ABCA7: variants seen among roughly 807,000 people sequenced by gnomAD.
The protein encoded by ABCA7 is phospholipid-transporting ATPase ABCA7.
A neutral mutation model predicts 227.6 loss-of-function variants in ABCA7; 261 were observed. The ratio of observed to expected loss-of-function variants is 1.15; its 90% CI spans 1.04 to 1.27. ABCA7 has a LOEUF of 1.27. ABCA7 is among the 50% of genes most tolerant of loss of function. The pLI is 0.00. For synonymous variants in ABCA7, 1,488 were observed against 1,279.7 expected (o/e 1.16, Z -3.47); for missense variants, 3,331 against 2,924.5 (o/e 1.14, Z -3.21).
intron 11 of ABCA7, 70 bp from the exon 12 acceptor site, chr19:1,044,932 G>A (rs1420121506): frequency 1.3e-6 from 2 of 1,565,894 alleles, no homozygotes; most frequent in African/African-American, 2.7e-5. Context: ...CCGAGGTCCA[G>A]GGGGAGGAGC....
At chr19:1,055,002 C>A in intron 29 of ABCA7, 95 bp from the exon 30 acceptor site, 1 of 1,530,164 alleles carries the variant, frequency 6.5e-7, no homozygotes, top group Non-Finnish European at 8.8e-7. Flanking sequence ...AGCTGGGAGC[C>A]TCTGTGGCTC....
Position 1,054,957 on chromosome 19 carries a change from G to T in ABCA7, c.3950+79G>T. The T allele has an allele frequency of 6.4e-7, 1 of 1,550,672 alleles. No individual in the cohort carries two copies. The highest frequency in any genetic ancestry group is 1.2e-5 in the South Asian group (1 of 84,400). ...TCTGGTCCCTGGCCAGGGAGCCTCA[G>T]GGGGCACCTGGAGCATCCCCTGTGC... is the stretch of plus-strand genomic sequence containing the variant. On this transcript the variant is annotated intron_variant, in intron 29 of 46. Coordinates refer to ENST00000263094, the MANE Select transcript of ABCA7 (RefSeq NM_019112.4). This position sits in a 1 kb window ranked among gnomAD's most constrained non-coding sequence, Gnocchi z 4.8.
In ABCA7 at chr19:1,047,672, G is replaced by A; in HGVS notation, c.2269+18G>A. ...GTGCCCAGGTGGGCCGTAGGGGGCGGGGCTCCGGGCCGGGTCGCACCTGCT... is the reference window on the plus strand; with the variant it reads ...GTGCCCAGGTGGGCCGTAGGGGGCGAGGCTCCGGGCCGGGTCGCACCTGCT... On this transcript the variant is annotated intron_variant, in intron 16 of 46. Coordinates refer to ENST00000263094, the MANE Select transcript of ABCA7 (RefSeq NM_019112.4). The A allele has an allele frequency of 6.3e-7, 1 of 1,575,228 alleles. No individual in the cohort carries two copies. Among genetic ancestry groups the A allele is most frequent in the Non-Finnish European group, 8.6e-7 (1 of 1,164,724 alleles).
chr19:1,042,184 G>A lies in ABCA7; in HGVS notation c.415+8G>A. On this transcript the variant is annotated splice_region_variant and intron_variant, in intron 5 of 46. Coordinates refer to ENST00000263094, the MANE Select transcript of ABCA7 (RefSeq NM_019112.4). The stretch of plus-strand genomic sequence containing the variant: ...GGGCTGCACGCAGCACGGGTGAGGA[G>A]GCCGGGGGGCCTCTGGCAGGGCTGA... The A allele has an allele frequency of 6.2e-7, 1 of 1,600,584 alleles. No homozygotes were observed. Among genetic ancestry groups the A allele is most frequent in the Non-Finnish European group, 8.5e-7 (1 of 1,178,380 alleles).
In ABCA7 at chr19:1,061,832, C is replaced by T; in HGVS notation, c.5514C>T (p.Arg1838=). 3.7e-6 allele frequency: 6 copies of T among 1,609,766 alleles called. No individual in the cohort carries two copies. The highest frequency in any genetic ancestry group is 1.7e-4 in the Middle Eastern group (1 of 6,026). ...GAGCAGGGAAGACGTCCACGTTTCG[C>T]ATGGTGACGGGGGACACATTGGCCA... ...VNGAGKTSTF[R]MVTGDTLASR... Residue 1838 remains arginine (R), a synonymous_variant, in exon 41 of 47, where the codon CGC becomes CGT. Transcript: ENST00000263094.
Position 1,064,967 on chromosome 19 carries a change from C to A in ABCA7, c.6081C>A (p.Pro2027=). The part of the protein sequence containing the change: ...AAGHTLTLRV[P]AARSQPAAAF... ...GTCACACACTGACCCTGCGGGTGCC[C>A]GCCGCAAGGTCCCAGCCGGCAGCGG... Residue 2027 remains proline, a synonymous_variant, in exon 46 of 47, where the codon CCC becomes CCA. Coordinates refer to ENST00000263094, the MANE Select transcript of ABCA7 (RefSeq NM_019112.4). The A allele has an allele frequency of 6.5e-7, 1 of 1,550,018 alleles. No homozygotes were observed. Among genetic ancestry groups the A allele is most frequent in the Non-Finnish European group, 8.7e-7 (1 of 1,148,790 alleles).
chr19:1,046,351 C>T lies in ABCA7; in HGVS notation c.1567C>T (p.Pro523Ser), dbSNP rs1459350829. 3.1e-6 allele frequency: 5 copies of T among 1,598,624 alleles called. No homozygotes were observed. In the African/African-American group the frequency reaches 6.7e-5, roughly 21 times the overall value. ...CGTCCGCGTGCTCAGCGGCGCCAAC[C>T]CCCGGGCCGGCCTCTACCTGCAGCA... is the stretch of plus-strand genomic sequence containing the variant. ...AAVRVLSGAN[P>S]RAGLYLQQMP... Residue 523 changes from proline to serine, a missense_variant, in exon 13 of 47, where the codon CCC (proline) becomes TCC (serine). Coordinates refer to ENST00000263094, the MANE Select transcript of ABCA7 (RefSeq NM_019112.4).
At chr19:1,045,375 G>T in intron 12 of ABCA7, 144 bp downstream of exon 12, 2 of 885,440 alleles carry the variant, frequency 2.3e-6, no homozygotes, top group Non-Finnish European at 3.4e-6. Context: ...GCCAGAGCCC[G>T]GGGCTCCTTA....
intron 8 of ABCA7, 27 bp from the exon 9 acceptor site, chr19:1,043,307 C>G (rs571233230): frequency 6.2e-7 from 1 of 1,612,708 alleles, no homozygotes; most frequent in South Asian, 1.1e-5. Flanking sequence ...GGCAGGGGGG[C>G]AGGGCCTCAT....
chr19:1,064,583 G>T (rs2042914092), intron 45 of ABCA7: 5 of 461,312 alleles, frequency 1.1e-5, no homozygotes, highest in Non-Finnish European at 1.9e-5. Flanking sequence ...GGGGCCATAG[G>T]AAAGTGGGGC....
rs746775505 is a variant in ABCA7, at chr19:1,054,124, A to G, written c.3577+14A>G. 1.4e-5 allele frequency: 23 copies of G among 1,612,846 alleles called. No individual in the cohort carries two copies. In the South Asian group the frequency reaches 2.5e-4, roughly 18 times the overall value. On this transcript the variant is annotated intron_variant, in intron 26 of 46. Coordinates refer to ENST00000263094, the MANE Select transcript of ABCA7 (RefSeq NM_019112.4). This position sits in a 1 kb window ranked among gnomAD's most constrained non-coding sequence, Gnocchi z 4.8. ...ACGGGGAACCAGGTAAGTCCTTCCC[A>G]GTGGCCCTGGGGTCCTCCCAGCCAC...
chr19:1,041,712 A>G, intron 3 of ABCA7, 109 bp downstream of exon 3: 1 of 1,577,694 alleles, frequency 6.3e-7, no homozygotes, highest in South Asian at 1.1e-5. Context: ...CAGGCCGCCA[A>G]TACATGGCAT....
intron 35 of ABCA7, among the ~76,000 whole-genome samples, chr19:1,057,710 G>C (rs971014839): frequency 6.6e-6 from 1 of 151,202 alleles, no homozygotes; most frequent in African/African-American, 2.4e-5. Context: ...TTTGAGACCA[G>C]CCTGGGAAAC....
In ABCA7 at chr19:1,046,417, G is replaced by A. The variant is rs1448400332; in HGVS notation, c.1622+11G>A. On this transcript the variant is annotated intron_variant, in intron 13 of 46. Coordinates refer to ENST00000263094, the MANE Select transcript of ABCA7 (RefSeq NM_019112.4). ...CTATGTGGACGACGTGTGAGCTCTG[G>A]CACCCCTCCCCGCTCTTCCCCGCGG... is the stretch of plus-strand genomic sequence containing the variant. 1 of 1,534,208 alleles carries A rather than the reference G, an allele frequency of 6.5e-7. No individual in the cohort carries two copies.
At position 1,044,725 on chromosome 19, in the gene ABCA7, C is replaced by T. The variant is rs2040430864; in HGVS notation, c.1196C>T (p.Thr399Met). 4 of 1,609,644 alleles carry T rather than the reference C, an allele frequency of 2.5e-6. No individual in the cohort carries two copies. Among genetic ancestry groups the T allele is most frequent in the Admixed American group, 1.7e-5 (1 of 59,530 alleles). Residue 399 changes from threonine (T) to methionine (M), a missense_variant, in exon 11 of 47, where the codon ACG (threonine) becomes ATG (methionine). Thr to Met is a moderately conservative substitution (Grantham distance 81). Transcript: ENST00000263094. ...GCTGATGTGGGGCACCTGGTGGGCA[C>T]GCTGGGCCGAGTGACGGAGGTGAGG... ...AHADVGHLVGTLGRVTECLSL... is the reference protein window; with the variant it reads ...AHADVGHLVGMLGRVTECLSL...
chr19:1,051,210 G>T lies in ABCA7; in HGVS notation c.2740G>T (p.Ala914Ser), dbSNP rs111940546. The change falls in exon 20 of 47, where the codon GCT (alanine) becomes TCT (serine). Residue 914 changes from alanine (A) to serine (S), a missense_variant. Transcript: ENST00000263094. ...FYGRLKGLSAAVVGPEQDRLL... is the reference protein window; with the variant it reads ...FYGRLKGLSASVVGPEQDRLL... The stretch of plus-strand genomic sequence containing the variant: ...TGGGCGGCTGAAGGGTCTGAGTGCC[G>T]CTGTAGTGGGCCCCGAGCAGGACCG... The T allele has an allele frequency of 1.3e-4, 213 of 1,611,062 alleles. 2 individuals carry two copies. In the African/African-American group the frequency reaches 1.9e-3, roughly 14 times the overall value.
intron 40 of ABCA7, 37 bp downstream of exon 40, chr19:1,059,122 G>T (rs2042481809): frequency 1.3e-6 from 2 of 1,599,014 alleles, no homozygotes; most frequent in African/African-American, 1.3e-5. Context: ...CAGGGACAGT[G>T]AGTGGCTGCC....
At position 1,043,839 on chromosome 19, in the gene ABCA7, C is replaced by A; in HGVS notation, c.1045C>A (p.Gln349Lys). The A allele has an allele frequency of 6.2e-7, 1 of 1,612,378 alleles. No individual in the cohort carries two copies. The highest frequency in any genetic ancestry group is 1.1e-5 in the South Asian group (1 of 91,074). The change falls in exon 10 of 47, where the codon CAG (glutamine) becomes AAG (lysine). Residue 349 changes from glutamine (Q) to lysine (K), a missense_variant and splice_region_variant. By Grantham distance (53) the Gln-to-Lys change is moderately conservative (BLOSUM62 1). Coordinates refer to ENST00000263094, the MANE Select transcript of ABCA7 (RefSeq NM_019112.4). ...CGACAGTTCCAATGTGGCCATGCTG[C>A]AGGTGTGCGGGGGTGCTGGGGAGGT... ...MNDSSNVAML[Q>K]RLLQMQDEGR...
Position 1,045,187 on chromosome 19 carries a change from C to T in ABCA7, c.1401C>T (p.Arg467=), listed in dbSNP as rs144178523. ...CCGGCCACGTGCGCATCAAAATCCG[C>T]ATGGACATTGACGTGGTCACGAGGA... ...LGPGHVRIKI[R]MDIDVVTRTN... is the part of the protein sequence containing the mutation. The change falls in exon 12 of 47, where the codon CGC becomes CGT. Residue 467 remains arginine, a synonymous_variant. Transcript: ENST00000263094. 78 of 1,604,674 alleles carry T rather than the reference C, an allele frequency of 4.9e-5. No homozygotes were observed. In the African/African-American group the frequency reaches 9.0e-4, roughly 18 times the overall value.
Sources: gnomAD v4.1 joint callset for allele counts (sites outside exome capture counted in the v4.1 genomes callset) on GRCh38, gnomAD v4.1.1 for gene constraint, Gnocchi (gnomAD v3.1) non-coding constraint, MANE v1.5 for transcripts, NCBI Gene and HGNC (gene_info 2026-07-23, HGNC 2026-07-21) for gene names.